Variants in PPP1R12A observed in about 807,000 individuals in gnomAD.
PPP1R12A encodes protein phosphatase 1 regulatory subunit 12A.
PPP1R12A carries 19 observed loss-of-function variants against 139.6 expected under a neutral mutation model. The ratio of observed to expected loss-of-function variants is 0.14; its 90% CI spans 0.09 to 0.20. The LOEUF (loss-of-function observed/expected upper bound fraction) is 0.20. Ranked by LOEUF, PPP1R12A falls within the 10% of genes least tolerant of loss-of-function variation. The probability of loss-of-function intolerance (pLI) is 1.00; values close to 1 mark genes in which losing one functional copy is unlikely to be tolerated. For synonymous variants in PPP1R12A, 427 were observed against 420.6 expected, an observed-to-expected ratio of 1.02 and a Z score of -0.19; for missense variants, 925 against 1,211.5, an observed-to-expected ratio of 0.76 and a Z score of 3.51.
At chr12:79,794,007 G>C in intron 18 of PPP1R12A, 79 bp from the exon 19 acceptor site, 1 of 1,039,058 alleles carries the variant, frequency 9.6e-7, no homozygotes, top group Non-Finnish European at 1.4e-6. Context: ...TTATTTTTGG[G>C]AGTCCTTCTC....
At chr12:79,919,676 G>A (rs1887289975) in intron 1 of PPP1R12A, among the ~76,000 whole-genome samples, 1 of 151,782 alleles carries the variant, frequency 6.6e-6, no homozygotes, top group Non-Finnish European at 1.5e-5. Flanking sequence ...ATAATTGTCT[G>A]TGTATTATCT....
chr12:79,831,351 G>C (rs1877397346), intron 4 of PPP1R12A, among the ~76,000 whole-genome samples: 1 of 152,276 alleles, frequency 6.6e-6, no homozygotes, highest in African/African-American at 2.4e-5. Flanking sequence ...GGGAGGCTGA[G>C]GCAGGCAGAT....
chr12:79,867,723 T>C (rs1169707559), intron 2 of PPP1R12A, among the ~76,000 whole-genome samples: 7 of 152,128 alleles, frequency 4.6e-5, no homozygotes, highest in Non-Finnish European at 1.5e-5. Flanking sequence ...CCACGTGTTG[T>C]AGGAGGAACC....
chr12:79,790,427 A>G (rs953447070), intron 20 of PPP1R12A, 40 bp downstream of exon 20: 5 of 1,227,020 alleles, frequency 4.1e-6, no homozygotes, highest in Admixed American at 2.9e-5. Context: ...AAAGATAAAA[A>G]TAAGAAAAAA....
chr12:79,913,081 AAT>A (rs1483549837), intron 1 of PPP1R12A, among the ~76,000 whole-genome samples: 1 of 152,186 alleles, frequency 6.6e-6, no homozygotes, highest in African/African-American at 2.4e-5. Flanking sequence ...TTGTGCTCTT[AAT>A]TTGCATTTCT....
intron 3 of PPP1R12A, among the ~76,000 whole-genome samples, chr12:79,832,956 T>C (rs1592684868): frequency 1.3e-5 from 2 of 152,204 alleles, no homozygotes; most frequent in African/African-American, 2.4e-5. Flanking sequence ...TACCTTAAAA[T>C]AGATTATTTC....
intron 2 of PPP1R12A, among the ~76,000 whole-genome samples, chr12:79,860,429 T>G (rs1407375993): frequency 1.3e-5 from 2 of 151,812 alleles, no homozygotes; most frequent in Admixed American, 1.3e-4. Context: ...CACAGTGGAG[T>G]ACTACAACTG....
chr12:79,840,072 T>C (rs1452323321), intron 3 of PPP1R12A, among the ~76,000 whole-genome samples: 2 of 152,206 alleles, frequency 1.3e-5, no homozygotes, highest in African/African-American at 2.4e-5. Flanking sequence ...AAATGCAGTA[T>C]GGTACAGTGG....
At chr12:79,913,532 TTTG>T (rs1266715872) in intron 1 of PPP1R12A, among the ~76,000 whole-genome samples, 14 of 152,194 alleles carry the variant, frequency 9.2e-5, no homozygotes. Flanking sequence ...GATTCATTAG[TTTG>T]TTGTCTAATT....
intron 15 of PPP1R12A, 36 bp from the exon 16 acceptor site, chr12:79,797,431 G>A: frequency 6.7e-7 from 1 of 1,496,844 alleles, no homozygotes; most frequent in Non-Finnish European, 9.0e-7. Context: ...ATTATGAGAT[G>A]CATTAAAGCT....
In PPP1R12A at chr12:79,854,893, T is replaced by C. The variant is rs553381303; in HGVS notation, c.369-9473A>G. ...TAGCTATGTTGCTGAAGCTGGTCTATAACTCTTGGCCTCAAGCAATCCTCC... is the reference window on the plus strand; with the variant it reads ...TAGCTATGTTGCTGAAGCTGGTCTACAACTCTTGGCCTCAAGCAATCCTCC... On this transcript the variant is annotated intron_variant, in intron 2 of 24. Coordinates refer to ENST00000450142, the MANE Select transcript of PPP1R12A (RefSeq NM_002480.3). 3.3e-5 allele frequency among the ~76,000 whole-genome samples: 5 copies of C among 152,166 alleles called. No individual in the cohort carries two copies. In the South Asian group the frequency reaches 1.0e-3, roughly 32 times the overall value.
intron 1 of PPP1R12A, among the ~76,000 whole-genome samples, chr12:79,894,624 T>C: frequency 6.6e-6 from 1 of 152,042 alleles, no homozygotes; most frequent in East Asian, 1.9e-4. Context: ...CAAAAAGGAG[T>C]ATATATATAA....
intron 2 of PPP1R12A, among the ~76,000 whole-genome samples, chr12:79,864,625 A>AATG (rs1415822740): frequency 1.4e-4 from 21 of 152,196 alleles, no homozygotes; most frequent in Non-Finnish European, 2.9e-4. Flanking sequence ...CACAATAAAA[A>AATG]ATGATGAAGT....
chr12:79,860,858 C>CTGG lies in PPP1R12A; in HGVS notation c.368+11947_368+11949dup, dbSNP rs569171201. On this transcript the variant is annotated intron_variant, in intron 2 of 24. Coordinates refer to ENST00000450142, the MANE Select transcript of PPP1R12A (RefSeq NM_002480.3). Reference sequence around the variant, plus strand: ...ACTTTGAATGATTTCAGTAATCATACTGGTGGTGGTGGTGGTGGCGGCATT... The same window carrying CTGG: ...ACTTTGAATGATTTCAGTAATCATACTGGTGGTGGTGGTGGTGGTGGCGGCATT... Among the ~76,000 whole-genome samples, 414 of 152,024 alleles carry CTGG rather than the reference C, an allele frequency of 2.7e-3. 3 individuals are homozygous for CTGG. The highest frequency in any genetic ancestry group is 3.4e-3 in the Non-Finnish European group (229 of 67,976).
chr12:79,923,327 A>C (rs934576343), intron 1 of PPP1R12A, among the ~76,000 whole-genome samples: 4 of 152,342 alleles, frequency 2.6e-5, no homozygotes, highest in Non-Finnish European at 4.4e-5. Flanking sequence ...CCATATGATA[A>C]AAAGTGGAAA....
At chr12:79,808,674 T>C (rs2137066691) in intron 10 of PPP1R12A, 97 bp from the exon 11 acceptor site, 1 of 597,106 alleles carries the variant, frequency 1.7e-6, no homozygotes. Flanking sequence ...TAATTATAAT[T>C]ACATAGCTAT....
At chr12:79,825,188 T>A (rs1876618428) in intron 5 of PPP1R12A, 1 of 152,118 alleles carries the variant, frequency 6.6e-6, no homozygotes, top group Admixed American at 6.5e-5. Flanking sequence ...TAAAAATAAA[T>A]TCAGATGGAA....
In PPP1R12A at chr12:79,859,002, C is replaced by T. The variant is rs115093394; in HGVS notation, c.369-13582G>A. On this transcript the variant is annotated intron_variant, in intron 2 of 24. Coordinates refer to ENST00000450142, the MANE Select transcript of PPP1R12A (RefSeq NM_002480.3). The stretch of plus-strand genomic sequence containing the variant: ...AACGCAAAATAATTTAAAACGATCA[C>T]TGCGGCTACTGTGAAAAAAAATAGG... Among the ~76,000 whole-genome samples, 825 of 152,196 alleles carry T rather than the reference C, an allele frequency of 5.4e-3. 5 individuals are homozygous for T. Among genetic ancestry groups the T allele is most frequent in the African/African-American group, 0.019 (783 of 41,534 alleles).
intron 1 of PPP1R12A, among the ~76,000 whole-genome samples, chr12:79,896,134 T>C (rs1885109804): frequency 6.6e-6 from 1 of 152,158 alleles, no homozygotes; most frequent in South Asian, 2.1e-4. Context: ...GGGTTGTGAC[T>C]GGCCTTATAA....
Sources: gnomAD v4.1 joint callset for allele counts (sites outside exome capture counted in the v4.1 genomes callset) on GRCh38, gnomAD v4.1.1 for gene constraint, MANE v1.5 for transcripts, NCBI Gene and HGNC (gene_info 2026-07-23, HGNC 2026-07-21) for gene names.